The following CAP2 variants were observed in gnomAD, a reference collection of about 807,000 sequenced individuals.
CAP2 encodes adenylyl cyclase-associated protein 2.
A neutral mutation model predicts 57.7 loss-of-function variants in CAP2; 24 were observed. That is an observed-to-expected ratio of 0.42 (90% CI 0.30 to 0.58). The LOEUF is 0.58. Among genes scored for constraint, CAP2 ranks in the 20% least tolerant of loss-of-function variants. CAP2 has a pLI of 0.22. For missense variants in CAP2, 501 were observed against 590.3 expected (o/e 0.85, Z 1.57); for synonymous variants, 194 against 207.2 (o/e 0.94, Z 0.55).
intron 1 of CAP2, among the ~76,000 whole-genome samples, chr6:17,406,379 T>G (rs973586830): frequency 5.9e-5 from 9 of 151,502 alleles, no homozygotes; most frequent in Admixed American, 4.6e-4. Context: ...CCTACTTTTC[T>G]GTCAGTAAGC....
At chr6:17,539,492 C>T (rs1226660878) in intron 8 of CAP2, 34 bp downstream of exon 8, 4 of 1,557,484 alleles carry the variant, frequency 2.6e-6, no homozygotes, top group Non-Finnish European at 2.6e-6. Flanking sequence ...AAGCTGCCTC[C>T]CTTTCCCTCT....
chr6:17,458,226 G>T (rs1156736637), intron 3 of CAP2, among the ~76,000 whole-genome samples: 1 of 152,116 alleles, frequency 6.6e-6, no homozygotes, highest in African/African-American at 2.4e-5. Context: ...CTTCCCTAAT[G>T]AATATTCAAA....
intron 3 of CAP2, among the ~76,000 whole-genome samples, chr6:17,431,017 A>T (rs1057331717): frequency 1.3e-5 from 2 of 152,200 alleles, no homozygotes; most frequent in African/African-American, 4.8e-5. Context: ...GGAATCTGGA[A>T]TCTTTATTTC....
At chr6:17,448,071 GC>G (rs1272414980) in intron 3 of CAP2, among the ~76,000 whole-genome samples, 1 of 152,166 alleles carries the variant, frequency 6.6e-6, no homozygotes, top group African/African-American at 2.4e-5. Context: ...CTTCTATGTG[GC>G]GCCACAAGGC....
chr6:17,515,014 A>C (rs979405303), intron 7 of CAP2, among the ~76,000 whole-genome samples: 1 of 152,070 alleles, frequency 6.6e-6, no homozygotes, highest in Admixed American at 6.6e-5. Flanking sequence ...CCTGTCCAAC[A>C]TGGCAAAACC....
intron 7 of CAP2, among the ~76,000 whole-genome samples, chr6:17,536,840 C>A (rs553877961): frequency 7.2e-5 from 11 of 152,276 alleles, no homozygotes; most frequent in African/African-American, 2.6e-4. Context: ...GACTAGAATA[C>A]TGTTTGATGT....
intron 2 of CAP2, among the ~76,000 whole-genome samples, chr6:17,424,919 T>C (rs1335086834): frequency 6.6e-6 from 1 of 152,258 alleles, no homozygotes; most frequent in African/African-American, 2.4e-5. Flanking sequence ...AACAGGTTTA[T>C]CTGTCTCCAA....
At chr6:17,486,195 A>C (rs1393971847) in intron 4 of CAP2, among the ~76,000 whole-genome samples, 1 of 152,122 alleles carries the variant, frequency 6.6e-6, no homozygotes, top group Admixed American at 6.5e-5. Context: ...AAATACGTTA[A>C]ACAAACCAAT....
chr6:17,452,154 T>G (rs11964850), intron 3 of CAP2, among the ~76,000 whole-genome samples: 16,890 of 152,206 alleles, frequency 0.11, 3,053 homozygotes, highest in African/African-American at 0.38. Context: ...GGTATAGGTA[T>G]TTCAGATGAG....
chr6:17,436,189 A>C (rs751861231), intron 3 of CAP2, among the ~76,000 whole-genome samples: 5 of 149,520 alleles, frequency 3.3e-5, no homozygotes, highest in Non-Finnish European at 1.5e-5. Flanking sequence ...CAGTCATGCG[A>C]TTTCGGTCAC....
chr6:17,532,158 G>C (rs540872300), intron 7 of CAP2, among the ~76,000 whole-genome samples: 2 of 17,122 alleles, frequency 1.2e-4, no homozygotes, highest in East Asian at 3.8e-3. Flanking sequence ...TTTTTTTTTT[G>C]GAGGCAGAGT....
intron 1 of CAP2, among the ~76,000 whole-genome samples, chr6:17,400,842 G>A (rs1317212098): frequency 1.3e-5 from 2 of 148,790 alleles, no homozygotes; most frequent in African/African-American, 2.5e-5. Flanking sequence ...TCCAGCCTGG[G>A]CAACAGAGTG....
chr6:17,501,751 T>TAACAG, intron 4 of CAP2, among the ~76,000 whole-genome samples: 1 of 152,360 alleles, frequency 6.6e-6, no homozygotes, highest in South Asian at 2.1e-4. Flanking sequence ...ATGAAGCTGA[T>TAACAG]AACAGGACTC....
chr6:17,403,745 G>C (rs1758875532), intron 1 of CAP2, among the ~76,000 whole-genome samples: 1 of 152,150 alleles, frequency 6.6e-6, no homozygotes. Context: ...AAGAAGCGTG[G>C]AAATATAAGT....
chr6:17,537,749 A>G (rs1762806236), intron 7 of CAP2, among the ~76,000 whole-genome samples: 1 of 152,122 alleles, frequency 6.6e-6, no homozygotes, highest in South Asian at 2.1e-4. Context: ...TATTATAGGT[A>G]TACAGTTCTA....
intron 2 of CAP2, among the ~76,000 whole-genome samples, chr6:17,424,379 GAC>G (rs1261371171): frequency 4.0e-5 from 6 of 151,314 alleles, no homozygotes; most frequent in African/African-American, 1.5e-4. Context: ...CAGCCTGGGC[GAC>G]ACAGAGCAAG....
At chr6:17,502,350 A>G (rs1208998580) in intron 4 of CAP2, among the ~76,000 whole-genome samples, 1 of 152,164 alleles carries the variant, frequency 6.6e-6, no homozygotes, top group Non-Finnish European at 1.5e-5. Context: ...CCATCACTCT[A>G]ATGTTCTCTT....
chr6:17,411,217 GT>G (rs1249770575), intron 1 of CAP2, among the ~76,000 whole-genome samples: 1 of 152,094 alleles, frequency 6.6e-6, no homozygotes, highest in African/African-American at 2.4e-5. Flanking sequence ...CATTTGGATT[GT>G]TTCCATTTTT....
At chr6:17,553,188 A>G (rs6933828) in intron 12 of CAP2, among the ~76,000 whole-genome samples, 1 of 152,282 alleles carries the variant, frequency 6.6e-6, no homozygotes, top group South Asian at 2.1e-4. Flanking sequence ...TTGGATGAAC[A>G]CTGCAGACTA....
Sources: gnomAD v4.1 joint callset for allele counts (sites outside exome capture counted in the v4.1 genomes callset) on GRCh38, gnomAD v4.1.1 for gene constraint, MANE v1.5 for transcripts, NCBI Gene and HGNC (gene_info 2026-07-23, HGNC 2026-07-21) for gene names.